The following SEMA3C variants were observed in gnomAD, a reference collection of about 807,000 sequenced individuals.
SEMA3C encodes the protein semaphorin-3C.
A neutral mutation model predicts 89.4 loss-of-function variants in SEMA3C; 47 were observed. That is an observed-to-expected ratio of 0.53 (90% CI 0.42 to 0.67). The LOEUF (loss-of-function observed/expected upper bound fraction) is 0.67. Among genes scored for constraint, SEMA3C ranks in the 30% least tolerant of loss-of-function variants. The pLI is 0.00. For synonymous variants in SEMA3C, 310 were observed against 320.2 expected (o/e 0.97, Z 0.34); for missense variants, 839 against 929.1 (o/e 0.90, Z 1.26).
At position 80,904,409 on chromosome 7, in the gene SEMA3C, G is replaced by C. The variant is rs187977509; in HGVS notation, c.103+12270C>G. On this transcript the variant is annotated intron_variant, in intron 2 of 17. Transcript: ENST00000265361. Reference sequence around the variant, plus strand: ...TATGTTTCAAAATACAAAGGATATAGAAAATAGAACACAATTTTCTAAATC... The same window carrying C: ...TATGTTTCAAAATACAAAGGATATACAAAATAGAACACAATTTTCTAAATC... Among the ~76,000 whole-genome samples, 33 of 152,250 alleles carry C rather than the reference G, an allele frequency of 2.2e-4. No individual in the cohort carries two copies. In the East Asian group the frequency reaches 2.9e-3, roughly 13 times the overall value.
Position 80,848,944 on chromosome 7 carries a change from C to T in SEMA3C, c.104-20199G>A, listed in dbSNP as rs371969620. Among the ~76,000 whole-genome samples, 13 of 152,138 alleles carry T rather than the reference C, an allele frequency of 8.5e-5. No homozygotes were observed. In the South Asian group the frequency reaches 1.7e-3, roughly 19 times the overall value. On this transcript the variant is annotated intron_variant, in intron 2 of 17. Coordinates refer to ENST00000265361, the MANE Select transcript of SEMA3C (RefSeq NM_006379.5). ...TTTGGATGCCCTCTTTTAAATCGAA[C>T]GCAGACTCTAACATGGAGAGATGAT...
intron 4 of SEMA3C, among the ~76,000 whole-genome samples, chr7:80,821,884 A>G (rs1017321008): frequency 4.6e-5 from 7 of 152,148 alleles, no homozygotes; most frequent in African/African-American, 1.2e-4. Flanking sequence ...CAGCTTTTCT[A>G]TAAGATTCTG....
intron 2 of SEMA3C, among the ~76,000 whole-genome samples, chr7:80,862,303 G>T (rs1203315230): frequency 1.3e-5 from 2 of 152,068 alleles, no homozygotes; most frequent in Admixed American, 6.6e-5. Flanking sequence ...CAGCGACCAT[G>T]CAGAGAATCA....
chr7:80,775,176 ACCT>A (rs74677639), intron 12 of SEMA3C, among the ~76,000 whole-genome samples: 10,857 of 152,126 alleles, frequency 0.071, 588 homozygotes, highest in East Asian at 0.25. Flanking sequence ...TTGCCTGCAG[ACCT>A]CCTGCATTTG....
At chr7:80,901,288 C>T (rs1791874112) in intron 2 of SEMA3C, among the ~76,000 whole-genome samples, 1 of 152,134 alleles carries the variant, frequency 6.6e-6, no homozygotes, top group Non-Finnish European at 1.5e-5. Context: ...TGTGATTCAA[C>T]GATTTACTGA....
In SEMA3C at chr7:80,744,844, T is replaced by C. The variant is rs543449756; in HGVS notation, c.*50A>G. 6.3e-7 allele frequency: 1 copy of C among 1,599,324 alleles called. No individual in the cohort carries two copies. Among genetic ancestry groups the C allele is most frequent in the South Asian group, 1.1e-5 (1 of 90,482 alleles). On this transcript the variant is annotated 3_prime_UTR_variant, in exon 18 of 18. Transcript: ENST00000265361. ...GTTTCTTTGCTCAAAATTTGATCAT[T>C]GAAGACAGAGCATTTGTTAATGGAA...
intron 6 of SEMA3C, 52 bp from the exon 7 acceptor site, chr7:80,805,810 A>G: frequency 1.5e-6 from 2 of 1,376,774 alleles, no homozygotes; most frequent in Non-Finnish European, 2.0e-6. Flanking sequence ...CTATTTTGAA[A>G]TTCTAGGTGA....
intron 2 of SEMA3C, among the ~76,000 whole-genome samples, chr7:80,863,321 T>C (rs1458531826): frequency 1.4e-5 from 2 of 146,242 alleles, no homozygotes; most frequent in African/African-American, 2.5e-5. Context: ...CCTGCAAGAA[T>C]GGCCATAATC....
intron 2 of SEMA3C, among the ~76,000 whole-genome samples, chr7:80,831,602 A>C (rs1283375575): frequency 6.6e-6 from 1 of 152,186 alleles, no homozygotes; most frequent in Non-Finnish European, 1.5e-5. Flanking sequence ...CACAATAATA[A>C]AATAAGGCAT....
chr7:80,881,164 AACACACACACACACACACAC>A (rs71802410), intron 2 of SEMA3C, among the ~76,000 whole-genome samples: 4 of 135,432 alleles, frequency 3.0e-5, no homozygotes, highest in African/African-American at 1.1e-4. Context: ...TGGAGAAAGA[AACACACACACACACACACAC>A]ACACACACAC....
chr7:80,796,452 C>T (rs1400613059), intron 11 of SEMA3C: 4 of 152,154 alleles, frequency 2.6e-5, no homozygotes, highest in Non-Finnish European at 5.9e-5. Flanking sequence ...GATCTCAGCT[C>T]ACTGCAAGCT....
At chr7:80,799,744 C>T (rs543832301) in intron 10 of SEMA3C, among the ~76,000 whole-genome samples, 3 of 151,938 alleles carry the variant, frequency 2.0e-5, no homozygotes, top group Non-Finnish European at 4.4e-5. Flanking sequence ...ATCCCAGCTA[C>T]TTAGGCGACC....
chr7:80,746,494 T>C (rs917329672), intron 17 of SEMA3C, among the ~76,000 whole-genome samples: 4 of 152,140 alleles, frequency 2.6e-5, no homozygotes, highest in African/African-American at 9.7e-5. Flanking sequence ...GAGTCCAATA[T>C]GGTAAATCCA....
chr7:80,898,573 A>G lies in SEMA3C; in HGVS notation c.103+18106T>C, dbSNP rs140181788. Among the ~76,000 whole-genome samples, 11 of 152,268 alleles carry G rather than the reference A, an allele frequency of 7.2e-5. No homozygotes were observed. In the East Asian group the frequency reaches 2.1e-3, roughly 29 times the overall value. On this transcript the variant is annotated intron_variant, in intron 2 of 17. Transcript: ENST00000265361. ...AATGTTTTTTGTGTTAATATTTAGC[A>G]AAGTATAGGCAGAACCAAATCACAC...
intron 12 of SEMA3C, among the ~76,000 whole-genome samples, chr7:80,778,045 G>C (rs981863979): frequency 6.6e-6 from 1 of 152,058 alleles, no homozygotes; most frequent in African/African-American, 2.4e-5. Flanking sequence ...GGTTCTAGAA[G>C]CAAATTTTCT....
intron 2 of SEMA3C, chr7:80,905,902 T>G (rs1403213161): frequency 1.1e-5 from 14 of 1,289,438 alleles, no homozygotes; most frequent in African/African-American, 1.5e-5. Context: ...CACACAGCAT[T>G]GTACAAGGTA....
At chr7:80,786,615 C>T (rs1246505666) in intron 12 of SEMA3C, among the ~76,000 whole-genome samples, 1 of 152,178 alleles carries the variant, frequency 6.6e-6, no homozygotes, top group Non-Finnish European at 1.5e-5. Context: ...AAAAGCAAAT[C>T]TTTGTAGTCA....
Position 80,818,415 on chromosome 7 carries a change from C to T in SEMA3C, c.331G>A (p.Gly111Ser). ...ATTACACGGACAAAGTTCCCACAGC[C>T]GTGCTAAAAGAATCAGTAAATAAGC... ...CKMAGKDPTH[G>S]CGNFVRVIQT... The change falls in exon 5 of 18, where the codon GGC (glycine) becomes AGC (serine). Residue 111 changes from glycine (G) to serine (S), a missense_variant. By Grantham distance (56) the Gly-to-Ser change is moderately conservative (BLOSUM62 0). Transcript: ENST00000265361. 6 of 1,612,722 alleles carry T rather than the reference C, an allele frequency of 3.7e-6. No homozygotes were observed. Among genetic ancestry groups the T allele is most frequent in the Non-Finnish European group, 5.1e-6 (6 of 1,179,014 alleles).
intron 13 of SEMA3C, among the ~76,000 whole-genome samples, chr7:80,764,872 C>A (rs917780782): frequency 1.3e-5 from 2 of 152,112 alleles, no homozygotes; most frequent in South Asian, 2.1e-4. Flanking sequence ...AACTAGAACT[C>A]ATTTTTTAAA....
Sources: gnomAD v4.1 joint callset for allele counts (sites outside exome capture counted in the v4.1 genomes callset) on GRCh38, gnomAD v4.1.1 for gene constraint, MANE v1.5 for transcripts, NCBI Gene and HGNC (gene_info 2026-07-23, HGNC 2026-07-21) for gene names.